The following FAM228B variants were observed in gnomAD, a reference collection of about 807,000 sequenced individuals.
FAM228B encodes protein FAM228B.
Under a neutral mutation model 42.6 loss-of-function variants are expected in FAM228B, and 38 were observed. That is an observed-to-expected ratio of 0.89 (90% CI 0.69 to 1.17). The LOEUF is 1.17. FAM228B is among the 50% of genes most tolerant of loss of function. FAM228B has a pLI of 0.00. For synonymous variants in FAM228B, 109 were observed against 122.3 expected, an observed-to-expected ratio of 0.89 and a Z score of 0.72; for missense variants, 344 against 367.3, an observed-to-expected ratio of 0.94 and a Z score of 0.52.
At chr2:24,118,404 G>T (rs1295209095) in intron 3 of FAM228B, among the ~76,000 whole-genome samples, 5 of 152,134 alleles carry the variant, frequency 3.3e-5, no homozygotes, top group Admixed American at 6.6e-5. Flanking sequence ...GCTCTCTGGC[G>T]CCTTCCCTGA....
chr2:24,157,296 T>A (rs1017205925), intron 7 of FAM228B, among the ~76,000 whole-genome samples: 1 of 152,232 alleles, frequency 6.6e-6, no homozygotes, highest in Admixed American at 6.5e-5. Context: ...GAATGAGTTA[T>A]ACACTTCTTA....
intron 7 of FAM228B, among the ~76,000 whole-genome samples, chr2:24,147,397 CAT>C (rs1359322482): frequency 1.3e-5 from 2 of 151,888 alleles, no homozygotes; most frequent in African/African-American, 2.4e-5. Context: ...CTGAGGTTCT[CAT>C]ATGTGTGGTT....
rs913133346 is a variant in FAM228B at position 24,079,945 on chromosome 2, A to G, written c.-289-931A>G. Among the ~76,000 whole-genome samples the G allele has an allele frequency of 3.3e-5, 5 of 152,240 alleles. No individual in the cohort carries two copies. In the East Asian group the frequency reaches 5.8e-4, roughly 18 times the overall value. On this transcript the variant is annotated intron_variant, in intron 1 of 10. Transcript: ENST00000613899. ...CTGACACCCAGGCACGATTGAGAAC[A>G]GAATACAGGAGGCCCAACCTAGGCT...
At chr2:24,131,476 C>A (rs1010181300) in intron 2 of FAM228B, among the ~76,000 whole-genome samples, 2 of 152,118 alleles carry the variant, frequency 1.3e-5, no homozygotes, top group African/African-American at 2.4e-5. Flanking sequence ...AATGTTTTTC[C>A]GTTTGTTTCT....
At chr2:24,117,563 C>A (rs572267577) in intron 3 of FAM228B, among the ~76,000 whole-genome samples, 8 of 151,966 alleles carry the variant, frequency 5.3e-5, no homozygotes, top group Non-Finnish European at 1.0e-4. Context: ...CTGCCTCAGC[C>A]TCCTGAGCAG....
At chr2:24,087,197 C>A (rs1380016312) in intron 2 of FAM228B, 1 of 152,156 alleles carries the variant, frequency 6.6e-6, no homozygotes, top group Admixed American at 6.5e-5. Flanking sequence ...TGGGTTCCTA[C>A]AATAGCACTC....
chr2:24,077,499 G>C lies in FAM228B; in HGVS notation c.-290+530G>C. 3 of 1,451,210 alleles carry C rather than the reference G, an allele frequency of 2.1e-6. No individual in the cohort carries two copies. In the South Asian group the frequency reaches 4.1e-5, roughly 20 times the overall value. The allele number at this position is 1,451,210 out of a possible 1,614,324, so 89.9% of individuals were successfully genotyped here. A position where few individuals can be genotyped will look rare whatever the true frequency, so the allele number is the denominator to read the frequency against. ...CTCTGGAGGAAGCACCGGGTTTCTT[G>C]GCCTGTCTATTGTGAATCTTCTCCA... is the stretch of plus-strand genomic sequence containing the variant. On this transcript the variant is annotated intron_variant, in intron 1 of 10. Coordinates refer to the FAM228B transcript ENST00000613899. This position sits in a 1 kb window ranked among gnomAD's most constrained non-coding sequence, Gnocchi z 5.5.
chr2:24,090,355 G>C (rs982366727), intron 2 of FAM228B, among the ~76,000 whole-genome samples: 1 of 151,980 alleles, frequency 6.6e-6, no homozygotes, highest in Non-Finnish European at 1.5e-5. Context: ...GCCAAGGGGG[G>C]AGCAGAACAG....
At chr2:24,147,354 A>G (rs1666921296) in intron 7 of FAM228B, among the ~76,000 whole-genome samples, 1 of 151,078 alleles carries the variant, frequency 6.6e-6, no homozygotes, top group Non-Finnish European at 1.5e-5. Context: ...TGATCTGTTT[A>G]TATTTGTTTT....
At chr2:24,148,587 A>G (rs776897715) in intron 7 of FAM228B, among the ~76,000 whole-genome samples, 1 of 151,920 alleles carries the variant, frequency 6.6e-6, no homozygotes, top group African/African-American at 2.4e-5. Flanking sequence ...TGTAAATTTA[A>G]TTTTTGTAGG....
At chr2:24,081,375 ACACCTGAATAAGTAAGAACAACTACCATT>A (rs562663003) in intron 2 of FAM228B, among the ~76,000 whole-genome samples, 153 of 152,324 alleles carry the variant, frequency 1.0e-3, no homozygotes, top group African/African-American at 3.5e-3. Context: ...TCTCTGACCT[ACACCTGAATAAGTAAGAACAACTACCATT>A]CCCATGGTCA....
At chr2:24,116,046 C>T (rs768436891) in intron 3 of FAM228B, among the ~76,000 whole-genome samples, 5 of 151,940 alleles carry the variant, frequency 3.3e-5, no homozygotes, top group Non-Finnish European at 2.9e-5. Flanking sequence ...AAACTGATTA[C>T]GGCCAAGTGT....
At chr2:24,118,577 G>T (rs1665998089), upstream of FAM228B, among the ~76,000 whole-genome samples, 1 of 152,210 alleles carries the variant, frequency 6.6e-6, no homozygotes, top group African/African-American at 2.4e-5. Flanking sequence ...CTGTAATGGG[G>T]ATAATCATAA....
At chr2:24,099,084 G>C (rs897079737) in intron 3 of FAM228B, among the ~76,000 whole-genome samples, 2 of 152,076 alleles carry the variant, frequency 1.3e-5, no homozygotes, top group African/African-American at 4.8e-5. Flanking sequence ...ATTCAACAGT[G>C]CTTCATGCTA....
intron 7 of FAM228B, among the ~76,000 whole-genome samples, chr2:24,152,299 A>G (rs909228412): frequency 6.6e-6 from 1 of 152,216 alleles, no homozygotes; most frequent in Non-Finnish European, 1.5e-5. Context: ...TTGAAAGGTC[A>G]TATATCTCTG....
At chr2:24,128,191 A>G (rs1666362421) in intron 2 of FAM228B, among the ~76,000 whole-genome samples, 1 of 152,108 alleles carries the variant, frequency 6.6e-6, no homozygotes, top group African/African-American at 2.4e-5. Context: ...TTTTATCTCA[A>G]GTATAATTTG....
At position 24,084,039 on chromosome 2, in the gene FAM228B, G is replaced by C. The variant is rs35814067; in HGVS notation, c.-210+3084G>C. On this transcript the variant is annotated intron_variant, in intron 2 of 10. Coordinates refer to the FAM228B transcript ENST00000613899. The surrounding 1 kb of genome is among the most constrained non-coding windows in gnomAD (Gnocchi z 8.4). ...CTTGTTTTGCATGAACAAAGAGGGC[G>C]CCCTGGGTTTAGGTCTGGGAAGCCC... 1 of 1,259,104 alleles carries C rather than the reference G, an allele frequency of 7.9e-7. No individual in the cohort carries two copies. The highest frequency in any genetic ancestry group is 1.1e-6 in the Non-Finnish European group (1 of 943,420). 78.0% of individuals were successfully genotyped at this position (1,259,104 alleles called of 1,614,324 possible).
chr2:24,149,360 C>G (rs1345233437), intron 7 of FAM228B, among the ~76,000 whole-genome samples: 2 of 152,184 alleles, frequency 1.3e-5, no homozygotes, highest in African/African-American at 4.8e-5. Flanking sequence ...CAAGCATTCC[C>G]TTTTCTCTAC....
rs549973294 is a variant in FAM228B, at chr2:24,094,978, C to T, written c.-209-163C>T. On this transcript the variant is annotated intron_variant, in intron 2 of 10. Coordinates refer to the FAM228B transcript ENST00000613899. Reference sequence around the variant, plus strand: ...TGGCGTGGTGGCACACACTCATAGTCCTAGCTACTCCCAAGGGTGAGGCAG... The same window carrying T: ...TGGCGTGGTGGCACACACTCATAGTTCTAGCTACTCCCAAGGGTGAGGCAG... Among the ~76,000 whole-genome samples, 10 of 152,258 alleles carry T rather than the reference C, an allele frequency of 6.6e-5. No homozygotes were observed. In the South Asian group the frequency reaches 1.9e-3, roughly 28 times the overall value.
Sources: gnomAD v4.1 joint callset for allele counts (sites outside exome capture counted in the v4.1 genomes callset) on GRCh38, gnomAD v4.1.1 for gene constraint, Gnocchi (gnomAD v3.1) non-coding constraint, MANE v1.5 for transcripts, NCBI Gene and HGNC (gene_info 2026-07-23, HGNC 2026-07-21) for gene names.